ATRNL1: variants seen among roughly 807,000 people sequenced by gnomAD.
The protein encoded by ATRNL1 is attractin like 1.
In ATRNL1, 95 loss-of-function variants were observed where a neutral mutation model predicts 182.7. The observed-to-expected ratio is 0.52, with a 90% CI of 0.44 to 0.62. The LOEUF is 0.62. Ranked by LOEUF, ATRNL1 falls within the 20% of genes least tolerant of loss-of-function variation. The probability of loss-of-function intolerance (pLI) is 0.00; values close to 1 mark genes in which losing one functional copy is unlikely to be tolerated. For missense variants in ATRNL1, 1,471 were observed against 1,679.5 expected, an observed-to-expected ratio of 0.88 and a Z score of 2.17; for synonymous variants, 576 against 568.3, an observed-to-expected ratio of 1.01 and a Z score of -0.19.
intron 26 of ATRNL1, among the ~76,000 whole-genome samples, chr10:115,558,871 C>G (rs912891789): frequency 9.9e-5 from 15 of 152,068 alleles, no homozygotes; most frequent in East Asian, 1.9e-4. Flanking sequence ...CTTCCTACCC[C>G]CTTCTAGCTC....
chr10:115,777,788 G>C (rs1338711704), intron 27 of ATRNL1, among the ~76,000 whole-genome samples: 1 of 151,712 alleles, frequency 6.6e-6, no homozygotes, highest in African/African-American at 2.4e-5. Context: ...GCAACCCTTG[G>C]GGAAAAAAGG....
intron 26 of ATRNL1, among the ~76,000 whole-genome samples, chr10:115,584,709 T>G (rs1855394056): frequency 6.6e-6 from 1 of 152,220 alleles, no homozygotes; most frequent in South Asian, 2.1e-4. Flanking sequence ...AGCTCCTGGA[T>G]TCATTAATTT....
chr10:115,369,612 A>G (rs1211315405), intron 19 of ATRNL1, among the ~76,000 whole-genome samples: 1 of 152,152 alleles, frequency 6.6e-6, no homozygotes, highest in Non-Finnish European at 1.5e-5. Context: ...TTTGGATCAT[A>G]TGAAAGGTCC....
intron 27 of ATRNL1, 114 bp from the exon 28 acceptor site, chr10:115,847,763 T>C: frequency 1.5e-6 from 1 of 657,904 alleles, no homozygotes; most frequent in South Asian, 1.8e-5. Flanking sequence ...ACACATGGTG[T>C]GTCCTGAACA....
chr10:115,618,759 T>A (rs1857566940), intron 26 of ATRNL1, among the ~76,000 whole-genome samples: 1 of 152,212 alleles, frequency 6.6e-6, no homozygotes, highest in Admixed American at 6.5e-5. Flanking sequence ...GGGTAATTGT[T>A]TGTTCTTTTA....
chr10:115,561,692 T>TGTGG (rs1853739526), intron 26 of ATRNL1, among the ~76,000 whole-genome samples: 3 of 45,776 alleles, frequency 6.6e-5, no homozygotes, highest in East Asian at 9.6e-4. Flanking sequence ...TGTGTGTGGG[T>TGTGG]GTGTGTGTGT....
chr10:115,921,405 T>C (rs1304709877), intron 28 of ATRNL1, among the ~76,000 whole-genome samples: 5 of 152,220 alleles, frequency 3.3e-5, no homozygotes, highest in Non-Finnish European at 7.3e-5. Context: ...ACTTTTTGTA[T>C]GTCAGTCATG....
intron 26 of ATRNL1, among the ~76,000 whole-genome samples, chr10:115,575,535 C>T (rs1854648332): frequency 6.6e-6 from 1 of 152,226 alleles, no homozygotes; most frequent in Non-Finnish European, 1.5e-5. Context: ...ATCACGTAGT[C>T]ATTTGCCGTT....
At chr10:115,132,862 T>G (rs1845318611) in intron 5 of ATRNL1, among the ~76,000 whole-genome samples, 1 of 152,328 alleles carries the variant, frequency 6.6e-6, no homozygotes, top group African/African-American at 2.4e-5. Context: ...TTGCAAAAAT[T>G]TTCTCCCATT....
At chr10:115,261,044 G>T (rs541434692) in intron 10 of ATRNL1, among the ~76,000 whole-genome samples, 2 of 151,908 alleles carry the variant, frequency 1.3e-5, no homozygotes, top group South Asian at 2.1e-4. Context: ...AAATACAAAA[G>T]ACTCACAGCA....
chr10:115,813,101 G>T (rs779334861), intron 27 of ATRNL1, among the ~76,000 whole-genome samples: 10 of 151,924 alleles, frequency 6.6e-5, no homozygotes, highest in Middle Eastern at 3.4e-3. Context: ...GCCTCTGTGG[G>T]GTTCTTTTGC....
intron 21 of ATRNL1, among the ~76,000 whole-genome samples, chr10:115,435,708 C>T (rs368054580): frequency 6.6e-6 from 1 of 152,246 alleles, no homozygotes; most frequent in African/African-American, 2.4e-5. Flanking sequence ...AGCTAATATT[C>T]CAAACCTAAC....
intron 26 of ATRNL1, among the ~76,000 whole-genome samples, chr10:115,611,685 A>G (rs1555019035): frequency 1.3e-5 from 2 of 152,110 alleles, no homozygotes; most frequent in African/African-American, 4.8e-5. Context: ...TCTAATGCAT[A>G]TAGACATAAA....
intron 26 of ATRNL1, among the ~76,000 whole-genome samples, chr10:115,598,241 CTA>C (rs1856378775): frequency 1.3e-5 from 2 of 150,212 alleles, no homozygotes; most frequent in South Asian, 2.2e-4. Context: ...GAGCATATAA[CTA>C]TAGATATTTA....
chr10:115,697,897 G>A (rs985173328), intron 26 of ATRNL1, among the ~76,000 whole-genome samples: 17 of 152,202 alleles, frequency 1.1e-4, no homozygotes, highest in Non-Finnish European at 1.9e-4. Flanking sequence ...GAAGGCTGTC[G>A]AGCCAAGCCA....
intron 26 of ATRNL1, among the ~76,000 whole-genome samples, chr10:115,628,406 C>T (rs1858253507): frequency 6.6e-6 from 1 of 151,814 alleles, no homozygotes; most frequent in Admixed American, 6.6e-5. Flanking sequence ...AGTTCTTTGC[C>T]CATTTCTTAG....
chr10:115,170,203 C>T (rs1554885205), intron 7 of ATRNL1, among the ~76,000 whole-genome samples: 1 of 152,080 alleles, frequency 6.6e-6, no homozygotes, highest in Non-Finnish European at 1.5e-5. Context: ...TTATCTTGTT[C>T]CTGACCTTAG....
intron 27 of ATRNL1, among the ~76,000 whole-genome samples, chr10:115,780,114 G>A (rs1378701621): frequency 1.3e-5 from 2 of 152,162 alleles, no homozygotes; most frequent in African/African-American, 4.8e-5. Flanking sequence ...TCCCCCAGTA[G>A]CAGCCACATG....
rs1470595838 is a variant in ATRNL1, at chr10:115,194,385, A to G, written c.1349-21312A>G. The stretch of plus-strand genomic sequence containing the variant: ...TATTTTTGGTGCTCCAGTGGTACAT[A>G]TAGATTTACAATTGTTCTATCATCT... On this transcript the variant is annotated intron_variant, in intron 8 of 28. Coordinates refer to ENST00000355044, the MANE Select transcript of ATRNL1 (RefSeq NM_207303.4). Among the ~76,000 whole-genome samples, 5 of 152,076 alleles carry G rather than the reference A, an allele frequency of 3.3e-5. No homozygotes were observed. The East Asian group carries it at 7.7e-4, about 23-fold the overall frequency.
Sources: gnomAD v4.1 joint callset for allele counts (sites outside exome capture counted in the v4.1 genomes callset) on GRCh38, gnomAD v4.1.1 for gene constraint, MANE v1.5 for transcripts, NCBI Gene and HGNC (gene_info 2026-07-23, HGNC 2026-07-21) for gene names.